The following CSMD1 variants were observed in gnomAD, a reference collection of about 807,000 sequenced individuals.
CSMD1 encodes the protein CUB and sushi domain-containing protein 1.
In CSMD1, 213 loss-of-function variants were observed where a neutral mutation model predicts 417.5. The ratio of observed to expected loss-of-function variants is 0.51; its 90% confidence interval spans 0.46 to 0.57. CSMD1 has a LOEUF of 0.57. Ranked by LOEUF, CSMD1 falls within the 20% of genes least tolerant of loss-of-function variation. CSMD1 has a pLI of 0.00. For synonymous variants in CSMD1, 2,862 were observed against 1,736.8 expected (o/e 1.65, Z -16.11); for missense variants, 6,923 against 4,529.7 (o/e 1.53, Z -15.17).
At chr8:3,140,210 T>G (rs1013216953) in intron 41 of CSMD1, among the ~76,000 whole-genome samples, 1 of 152,142 alleles carries the variant, frequency 6.6e-6, no homozygotes, top group Admixed American at 6.5e-5. Flanking sequence ...CAGCCCCGAT[T>G]ACCCTTAAGT....
chr8:4,326,031 A>G (rs79970083), intron 3 of CSMD1, among the ~76,000 whole-genome samples: 6,879 of 152,206 alleles, frequency 0.045, 201 homozygotes, highest in Non-Finnish European at 0.07. Flanking sequence ...TTTTAAAGCA[A>G]TATTTGTTGA....
At chr8:4,601,788 T>C (rs1384859307) in intron 2 of CSMD1, among the ~76,000 whole-genome samples, 1 of 152,128 alleles carries the variant, frequency 6.6e-6, no homozygotes, top group Non-Finnish European at 1.5e-5. Flanking sequence ...AAATGAAAAG[T>C]GAGTAAACTT....
intron 7 of CSMD1, among the ~76,000 whole-genome samples, chr8:3,653,587 G>C (rs982360979): frequency 1.3e-5 from 2 of 152,142 alleles, no homozygotes; most frequent in Non-Finnish European, 2.9e-5. Context: ...GGGATTTCAG[G>C]TGTGAGCCAC....
chr8:4,458,493 G>C (rs139993277), intron 2 of CSMD1, among the ~76,000 whole-genome samples: 17 of 152,056 alleles, frequency 1.1e-4, no homozygotes, highest in East Asian at 3.9e-4. Context: ...TGCATATTAT[G>C]AGAAATAGAT....
In CSMD1 at chr8:4,442,948, T is replaced by C. The variant is rs533345246; in HGVS notation, c.303-22883A>G. 1.8e-3 allele frequency among the ~76,000 whole-genome samples: 269 copies of C among 152,318 alleles called. 2 individuals are homozygous for C. The highest frequency in any genetic ancestry group is 5.9e-3 in the African/African-American group (244 of 41,574). The stretch of plus-strand genomic sequence containing the variant: ...GATATTTGTCCCTCAACGTAATGTA[T>C]CTACAGCACCACAGGTATCTCCAAA... On this transcript the variant is annotated intron_variant, in intron 2 of 69. Coordinates refer to ENST00000635120, the MANE Select transcript of CSMD1 (RefSeq NM_033225.6).
At chr8:3,550,303 C>T (rs1211598104) in intron 10 of CSMD1, among the ~76,000 whole-genome samples, 1 of 152,136 alleles carries the variant, frequency 6.6e-6, no homozygotes, top group African/African-American at 2.4e-5. Context: ...TCCAATAATT[C>T]CCACCTTTTT....
At chr8:4,909,148 G>A (rs1254637275) in intron 1 of CSMD1, among the ~76,000 whole-genome samples, 1 of 152,172 alleles carries the variant, frequency 6.6e-6, no homozygotes, top group Non-Finnish European at 1.5e-5. Context: ...TCTCAGAGAG[G>A]ACTGTCCCTG....
At chr8:4,040,924 T>A (rs1797853393) in intron 3 of CSMD1, among the ~76,000 whole-genome samples, 1 of 152,108 alleles carries the variant, frequency 6.6e-6, no homozygotes, top group African/African-American at 2.4e-5. Context: ...TTTGCTAGTG[T>A]GAATTATTAA....
intron 12 of CSMD1, among the ~76,000 whole-genome samples, chr8:3,448,895 G>T (rs1218737905): frequency 3.9e-5 from 6 of 152,168 alleles, no homozygotes; most frequent in Non-Finnish European, 4.4e-5. Context: ...TATTCCAGAA[G>T]AAGCACCTCC....
intron 5 of CSMD1, among the ~76,000 whole-genome samples, chr8:3,978,601 G>T (rs929801986): frequency 6.6e-6 from 1 of 152,072 alleles, no homozygotes; most frequent in Admixed American, 6.5e-5. Context: ...GGCATGTTGG[G>T]GGTAAATAAT....
At chr8:4,580,696 G>C (rs543687156) in intron 2 of CSMD1, among the ~76,000 whole-genome samples, 1 of 152,086 alleles carries the variant, frequency 6.6e-6, no homozygotes, top group Non-Finnish European at 1.5e-5. Flanking sequence ...CAAGGTAAAT[G>C]CGACAACACC....
chr8:2,979,313 C>A (rs1036844869), intron 54 of CSMD1, among the ~76,000 whole-genome samples: 2 of 152,206 alleles, frequency 1.3e-5, no homozygotes, highest in African/African-American at 4.8e-5. Context: ...CAACACCTAA[C>A]AGAAATGCAA....
chr8:4,926,974 A>G (rs1221541385), intron 1 of CSMD1, among the ~76,000 whole-genome samples: 1 of 152,144 alleles, frequency 6.6e-6, no homozygotes, highest in African/African-American at 2.4e-5. Flanking sequence ...CAGCTAGAGC[A>G]CATACTATTT....
chr8:3,272,611 C>T (rs1801950232), intron 26 of CSMD1, among the ~76,000 whole-genome samples: 1 of 136,786 alleles, frequency 7.3e-6, no homozygotes, highest in Admixed American at 7.4e-5. Context: ...TTTCCTTGAG[C>T]AGTGGTTTGT....
chr8:3,423,762 T>A (rs1206410508), intron 12 of CSMD1, among the ~76,000 whole-genome samples: 1 of 152,136 alleles, frequency 6.6e-6, no homozygotes, highest in Non-Finnish European at 1.5e-5. Flanking sequence ...AGGGGTGGAA[T>A]TGTTGGATCA....
At chr8:3,647,978 C>T (rs1327876866) in intron 7 of CSMD1, among the ~76,000 whole-genome samples, 1 of 152,196 alleles carries the variant, frequency 6.6e-6, no homozygotes, top group African/African-American at 2.4e-5. Flanking sequence ...CTGTAAACAG[C>T]AGGATTTTTC....
intron 12 of CSMD1, among the ~76,000 whole-genome samples, chr8:3,452,155 C>A (rs910514161): frequency 2.0e-5 from 3 of 152,136 alleles, no homozygotes; most frequent in Non-Finnish European, 4.4e-5. Context: ...GTGATTTTTG[C>A]ACACTGATTT....
At chr8:2,940,831 G>C (rs1376848530) in intron 69 of CSMD1, among the ~76,000 whole-genome samples, 2 of 152,126 alleles carry the variant, frequency 1.3e-5, no homozygotes, top group African/African-American at 2.4e-5. Context: ...TTTTCCTTGG[G>C]GTTAATGTGG....
rs1006030711 is a variant in CSMD1 at position 2,936,476 on chromosome 8, G to T, written c.*2109C>A. The T allele has an allele frequency of 6.6e-6, 1 of 151,402 alleles. No homozygotes were observed. Among genetic ancestry groups the T allele is most frequent in the Non-Finnish European group, 1.5e-5 (1 of 67,950 alleles). 9.4% of individuals were successfully genotyped at this position (151,402 alleles called of 1,614,324 possible). On this transcript the variant is annotated 3_prime_UTR_variant, in exon 70 of 70. Transcript: ENST00000635120. ...CACACTTTCAATCATCTTCTGTTTCGTTCAATGTGTGTGTTAGGAGCACGA... is the reference window on the plus strand; with the variant it reads ...CACACTTTCAATCATCTTCTGTTTCTTTCAATGTGTGTGTTAGGAGCACGA...
Sources: gnomAD v4.1 joint callset for allele counts (sites outside exome capture counted in the v4.1 genomes callset) on GRCh38, gnomAD v4.1.1 for gene constraint, MANE v1.5 for transcripts, NCBI Gene and HGNC (gene_info 2026-07-23, HGNC 2026-07-21) for gene names.